Variants in SBSPON observed in about 807,000 individuals in gnomAD.
SBSPON encodes the protein somatomedin-B and thrombospondin type-1 domain-containing protein.
Under a neutral mutation model 35.8 loss-of-function variants are expected in SBSPON, and 30 were observed. The observed-to-expected ratio is 0.84, with a 90% CI of 0.63 to 1.14. The LOEUF (loss-of-function observed/expected upper bound fraction) is 1.14, where lower values mean the gene tolerates loss of function less well. SBSPON is among the 50% of genes most tolerant of loss of function. The pLI, the probability that SBSPON is intolerant of heterozygous loss-of-function variation, is 0.00. For missense variants in SBSPON, 364 were observed against 357.7 expected, an observed-to-expected ratio of 1.02 and a Z score of -0.14; for synonymous variants, 136 against 135.9, an observed-to-expected ratio of 1.00 and a Z score of 0.00.
At chr8:73,091,033 CCTT>C (rs1810923007) in intron 1 of SBSPON, among the ~76,000 whole-genome samples, 1 of 152,238 alleles carries the variant, frequency 6.6e-6, no homozygotes, top group African/African-American at 2.4e-5. Context: ...AAGACATTCT[CCTT>C]GTCTCTCCTC....
chr8:73,072,467 A>G (rs1056841766), intron 2 of SBSPON, among the ~76,000 whole-genome samples: 1 of 152,072 alleles, frequency 6.6e-6, no homozygotes, highest in Admixed American at 6.5e-5. Flanking sequence ...TCAGGAGTTC[A>G]AAATCAGCCT....
At chr8:73,081,276 C>T (rs765820047) in intron 1 of SBSPON, 63 bp from the exon 2 acceptor site, 183 of 1,388,388 alleles carry the variant, frequency 1.3e-4, no homozygotes, top group Non-Finnish European at 1.6e-4. Context: ...AGGCTGTTCC[C>T]GCCAACACAA....
At chr8:73,073,314 A>G (rs1302170183) in intron 2 of SBSPON, among the ~76,000 whole-genome samples, 1 of 152,206 alleles carries the variant, frequency 6.6e-6, no homozygotes, top group East Asian at 1.9e-4. Context: ...CAGGAAGGGT[A>G]GATACAAGCT....
intron 2 of SBSPON, chr8:73,074,494 G>T: frequency 1.7e-6 from 1 of 572,148 alleles, no homozygotes; most frequent in Non-Finnish European, 2.2e-6. Flanking sequence ...GCACAGAGAG[G>T]TTAAGAAATG....
rs752629776 is a variant in SBSPON at position 73,067,465 on chromosome 8, C to T, written c.678-7G>A. ...CCAATGGAGAGTCTGATTTCTGAAA[C>T]GATATTTCGAAAGTGTTAGTTACAC... On this transcript the variant is annotated splice_polypyrimidine_tract_variant and splice_region_variant and intron_variant, in intron 4 of 4. Transcript: ENST00000297354. The T allele has an allele frequency of 3.1e-5, 48 of 1,525,668 alleles. No homozygotes were observed. The highest frequency in any genetic ancestry group is 6.7e-5 in the Admixed American group (4 of 59,554). The allele number at this position is 1,525,668 out of a possible 1,614,324, so 94.5% of individuals were successfully genotyped here. A position where few individuals can be genotyped will look rare whatever the true frequency, so the allele number is the denominator to read the frequency against.
chr8:73,068,332 C>T (rs1055015031), intron 4 of SBSPON, among the ~76,000 whole-genome samples: 3 of 152,118 alleles, frequency 2.0e-5, no homozygotes, highest in Non-Finnish European at 4.4e-5. Context: ...CAATGGAGGC[C>T]ATGAGGCACT....
At chr8:73,080,906 C>G (rs1810684656) in intron 2 of SBSPON, 113 bp downstream of exon 2, 1 of 909,034 alleles carries the variant, frequency 1.1e-6, no homozygotes, top group Admixed American at 2.8e-5. Context: ...TGGCCCATAC[C>G]ACTCCCTGTG....
intron 4 of SBSPON, among the ~76,000 whole-genome samples, chr8:73,069,252 A>G (rs1810447391): frequency 6.6e-6 from 1 of 151,920 alleles, no homozygotes; most frequent in South Asian, 2.1e-4. Flanking sequence ...GTTTTTGGTG[A>G]TCATTTGGGA....
chr8:73,067,856 T>G (rs937405026), intron 4 of SBSPON, among the ~76,000 whole-genome samples: 8 of 150,800 alleles, frequency 5.3e-5, no homozygotes, highest in Admixed American at 2.0e-4. Flanking sequence ...CCAATTTTTT[T>G]TTTAATGATC....
intron 1 of SBSPON, among the ~76,000 whole-genome samples, chr8:73,087,224 G>A (rs542291070): frequency 3.7e-4 from 57 of 152,240 alleles, no homozygotes; most frequent in African/African-American, 1.3e-3. Flanking sequence ...CTCTGGATCC[G>A]GATGACCTGG....
At chr8:73,077,906 T>C (rs1330533362) in intron 2 of SBSPON, among the ~76,000 whole-genome samples, 1 of 152,228 alleles carries the variant, frequency 6.6e-6, no homozygotes, top group Admixed American at 6.5e-5. Context: ...TAATAAAGGC[T>C]CTGAAAAGTT....
At chr8:73,087,075 C>T (rs1036126544) in intron 1 of SBSPON, among the ~76,000 whole-genome samples, 1 of 152,174 alleles carries the variant, frequency 6.6e-6, no homozygotes, top group Non-Finnish European at 1.5e-5. Flanking sequence ...ACTCTGCCCT[C>T]GAGGAGCCCT....
intron 2 of SBSPON, among the ~76,000 whole-genome samples, chr8:73,078,973 C>T (rs1228792973): frequency 6.6e-6 from 1 of 152,174 alleles, no homozygotes; most frequent in Non-Finnish European, 1.5e-5. Flanking sequence ...TTGCCAATCG[C>T]ATGCAGGCCT....
At position 73,080,773 on chromosome 8, in the gene SBSPON, T is replaced by A. The variant is rs531763551; in HGVS notation, c.409+246A>T. Among the ~76,000 whole-genome samples the A allele has an allele frequency of 3.3e-5, 5 of 152,136 alleles. No homozygotes were observed. The East Asian group carries it at 9.7e-4, about 30-fold the overall frequency. On this transcript the variant is annotated intron_variant, in intron 2 of 4. Transcript: ENST00000297354. Reference sequence around the variant, plus strand: ...ATTTCATTACTGAGTCCGTGCACAATGAGAATGGGCCATCGGATTATAAAA... The same window carrying A: ...ATTTCATTACTGAGTCCGTGCACAAAGAGAATGGGCCATCGGATTATAAAA...
chr8:73,074,286 G>A (rs1810550753), intron 2 of SBSPON, among the ~76,000 whole-genome samples: 1 of 152,168 alleles, frequency 6.6e-6, no homozygotes, highest in South Asian at 2.1e-4. Flanking sequence ...AGGCTATGAA[G>A]TGGAAGGAAA....
In SBSPON at chr8:73,092,975, G is replaced by A; in HGVS notation, c.93C>T (p.Gly31=). ...CGCGGGCGAAGCAGGCGGGGTCCCG[G>A]CCGGGACAGCAGCGCCCGGCCTCGG... ...GCAEAGRCCP[G]RDPACFARGW... is the part of the protein sequence containing the mutation. Residue 31 remains glycine (G), a synonymous_variant, in exon 1 of 5, where the codon GGC becomes GGT. Transcript: ENST00000297354. 1 of 1,586,154 alleles carries A rather than the reference G, an allele frequency of 6.3e-7. No individual in the cohort carries two copies. The highest frequency in any genetic ancestry group is 2.4e-5 in the East Asian group (1 of 42,280).
At chr8:73,079,591 C>T (rs963459174) in intron 2 of SBSPON, among the ~76,000 whole-genome samples, 1 of 151,804 alleles carries the variant, frequency 6.6e-6, no homozygotes, top group African/African-American at 2.4e-5. Flanking sequence ...ATACCTCAGC[C>T]CCACACACCT....
In SBSPON at chr8:73,067,609, T is replaced by TATATATATATATATATATAG. The variant is rs1491140504; in HGVS notation, c.678-152_678-151insCTATATATATATATATATAT. The TATATATATATATATATATAG allele has an allele frequency of 4.6e-3, 60 of 13,092 alleles. 1 individual carries two copies. The highest frequency in any genetic ancestry group is 0.01 in the South Asian group (2 of 200). The allele number at this position is 13,092 out of a possible 1,614,324, so 0.8% of individuals were successfully genotyped here. A position where few individuals can be genotyped will look rare whatever the true frequency, so the allele number is the denominator to read the frequency against. On this transcript the variant is annotated intron_variant, in intron 4 of 4. Coordinates refer to ENST00000297354, the MANE Select transcript of SBSPON (RefSeq NM_153225.4). ...CTCTACTATATATATATATATATAG[T>TATATATATATATATATATAG]TTTTTTTTTTTTCTAATTAGCCAGA... is the stretch of plus-strand genomic sequence containing the variant.
chr8:73,086,316 C>A (rs1282855513), intron 1 of SBSPON, among the ~76,000 whole-genome samples: 3 of 152,016 alleles, frequency 2.0e-5, no homozygotes, highest in African/African-American at 7.2e-5. Context: ...GCGCACCTCC[C>A]TGCCTGGCTA....
Sources: gnomAD v4.1 joint callset for allele counts (sites outside exome capture counted in the v4.1 genomes callset) on GRCh38, gnomAD v4.1.1 for gene constraint, MANE v1.5 for transcripts, NCBI Gene and HGNC (gene_info 2026-07-23, HGNC 2026-07-21) for gene names.